ZNF610: variants seen among roughly 807,000 people sequenced by gnomAD.
The protein encoded by ZNF610 is zink finger protein.
Under a neutral mutation model 14.1 loss-of-function variants are expected in ZNF610, and 14 were observed. That is an observed-to-expected ratio of 0.99 (90% CI 0.65 to 1.55). The LOEUF (loss-of-function observed/expected upper bound fraction) is 1.55, where lower values mean the gene tolerates loss of function less well. Among genes scored for constraint, ZNF610 ranks in the 40% most tolerant of loss-of-function variants. The probability of loss-of-function intolerance (pLI) is 0.00; values close to 1 mark genes in which losing one functional copy is unlikely to be tolerated. For missense variants in ZNF610, 530 were observed against 558.0 expected, an observed-to-expected ratio of 0.95 and a Z score of 0.51; for synonymous variants, 185 against 187.6, an observed-to-expected ratio of 0.99 and a Z score of 0.11.
chr19:52,333,817 TA>T (rs1198134917), upstream of ZNF610, among the ~76,000 whole-genome samples: 20 of 152,226 alleles, frequency 1.3e-4, no homozygotes, highest in African/African-American at 4.8e-4. Context: ...TATGTAAGTG[TA>T]GTGAAAAACT....
rs1034174780 is a variant in ZNF610 at position 52,357,662 on chromosome 19, A to T, written c.319+3283A>T. ...TCCATCTCAAAAAAAAAAAAAAAAA[A>T]AAAAAAAAATTTAAAAAATTAGCCA... On this transcript the variant is annotated intron_variant, in intron 5 of 5. Transcript: ENST00000403906. Among the ~76,000 whole-genome samples the T allele has an allele frequency of 3.6e-4, 55 of 151,146 alleles. 1 individual carries two copies. The highest frequency in any genetic ancestry group is 6.6e-4 in the Non-Finnish European group (45 of 67,784).
At chr19:52,361,116 T>C (rs1449500198) in intron 5 of ZNF610, among the ~76,000 whole-genome samples, 2 of 152,180 alleles carry the variant, frequency 1.3e-5, no homozygotes, top group African/African-American at 4.8e-5. Flanking sequence ...GAGTAAGTCT[T>C]GGTGAGCAGT....
At chr19:52,353,088 G>A (rs1324717444) in intron 3 of ZNF610, among the ~76,000 whole-genome samples, 6 of 152,062 alleles carry the variant, frequency 3.9e-5, no homozygotes, top group East Asian at 3.9e-4. Context: ...ACAGGCGCCC[G>A]CCACCATGCC....
chr19:52,357,878 G>A (rs1341045294), intron 5 of ZNF610, among the ~76,000 whole-genome samples: 1 of 152,006 alleles, frequency 6.6e-6, no homozygotes, highest in African/African-American at 2.4e-5. Flanking sequence ...GGTCTGGAAG[G>A]GTCCCCAGCA....
chr19:52,339,076 C>CATT (rs1382034881), intron 1 of ZNF610, among the ~76,000 whole-genome samples: 5 of 151,984 alleles, frequency 3.3e-5, no homozygotes, highest in African/African-American at 9.7e-5. Flanking sequence ...AGGAAACGTG[C>CATT]TGTGCCTTGA....
At chr19:52,334,257 G>A (rs931797788), upstream of ZNF610, among the ~76,000 whole-genome samples, 8 of 152,188 alleles carry the variant, frequency 5.3e-5, no homozygotes, top group Non-Finnish European at 8.8e-5. Flanking sequence ...GCTCACGCCT[G>A]TAATCCCAGC....
At chr19:52,342,998 C>T (rs1169658959) in intron 1 of ZNF610, among the ~76,000 whole-genome samples, 2 of 151,938 alleles carry the variant, frequency 1.3e-5, no homozygotes, top group Non-Finnish European at 2.9e-5. Context: ...TTTCCCTCTC[C>T]ACCCACCCCT....
intron 1 of ZNF610, 131 bp from the exon 2 acceptor site, chr19:52,347,576 G>C (rs1254849371): frequency 6.6e-6 from 1 of 152,204 alleles, no homozygotes; most frequent in African/African-American, 2.4e-5. Context: ...GAATGCAGTG[G>C]TGCGATTATG....
intron 5 of ZNF610, among the ~76,000 whole-genome samples, chr19:52,363,051 G>T (rs1985855682): frequency 6.6e-6 from 1 of 151,796 alleles, no homozygotes. Context: ...GAAAGAAGAA[G>T]CTCCCCTGTA....
intron 3 of ZNF610, among the ~76,000 whole-genome samples, chr19:52,352,297 G>GGT (rs1985294424): frequency 6.6e-6 from 1 of 152,074 alleles, no homozygotes; most frequent in Non-Finnish European, 1.5e-5. Flanking sequence ...GGAGTGCAAT[G>GGT]GCGTGATCTC....
upstream of ZNF610, among the ~76,000 whole-genome samples, chr19:52,332,201 G>GAA (rs112986257): frequency 0.084 from 12,734 of 152,244 alleles, 578 homozygotes; most frequent in Middle Eastern, 0.13. This position sits in a 1 kb window ranked among gnomAD's most constrained non-coding sequence, Gnocchi z 4.1. Context: ...GTCTATTGAA[G>GAA]AAACATTATT....
intron 1 of ZNF610, among the ~76,000 whole-genome samples, chr19:52,339,372 G>A (rs1423933818): frequency 1.3e-5 from 2 of 151,390 alleles, no homozygotes; most frequent in Non-Finnish European, 2.9e-5. Context: ...CATATCTCAG[G>A]CTATCACATG....
chr19:52,353,669 G>T lies in ZNF610; in HGVS notation c.64-13G>T. 6.2e-7 allele frequency: 1 copy of T among 1,613,190 alleles called. No individual in the cohort carries two copies. The highest frequency in any genetic ancestry group is 8.5e-7 in the Non-Finnish European group (1 of 1,179,526). ...CATTTTTAGTGTTGTAAACAATGTG[G>T]TCCTCATTTTAGGGACGCTTGACAT... On this transcript the variant is annotated splice_polypyrimidine_tract_variant and intron_variant, in intron 3 of 5. Transcript: ENST00000403906.
chr19:52,356,633 T>C (rs1450676335), intron 5 of ZNF610, among the ~76,000 whole-genome samples: 1 of 152,206 alleles, frequency 6.6e-6, no homozygotes, highest in East Asian at 1.9e-4. Context: ...AATTTTTGAA[T>C]AGGAGTTTAA....
intron 3 of ZNF610, among the ~76,000 whole-genome samples, chr19:52,349,534 G>A (rs1276236019): frequency 6.6e-6 from 1 of 151,626 alleles, no homozygotes; most frequent in African/African-American, 2.4e-5. Flanking sequence ...TCAGCTCTCT[G>A]TGGACCAGGA....
At chr19:52,356,669 G>A (rs1412224852) in intron 5 of ZNF610, among the ~76,000 whole-genome samples, 6 of 152,066 alleles carry the variant, frequency 3.9e-5, no homozygotes, top group African/African-American at 7.2e-5. Flanking sequence ...TGTTGTACGT[G>A]ACTTAGTAGC....
At chr19:52,354,507 G>A (rs766540761) in intron 5 of ZNF610, 128 bp downstream of exon 5, 8 of 1,072,972 alleles carry the variant, frequency 7.5e-6, no homozygotes, top group Non-Finnish European at 9.2e-6. Flanking sequence ...CAAACTCCTG[G>A]ACTCAAGCAA....
rs902393825 is a variant in ZNF610 at position 52,366,266 on chromosome 19, T to G, written c.888T>G (p.Ala296=). ...ACAAATGTAACGAATGTGGCAAAGC[T>G]TTTAGAGAGTGTTCGGGACTTACTA... ...KPHKCNECGK[A]FRECSGLTTH... is the part of the protein sequence containing the mutation. Residue 296 remains alanine (A), a synonymous_variant, in exon 6 of 6, where the codon GCT becomes GCG. Transcript: ENST00000403906. 2.5e-6 allele frequency: 4 copies of G among 1,613,072 alleles called. No individual in the cohort carries two copies. Among genetic ancestry groups the G allele is most frequent in the Admixed American group, 1.7e-5 (1 of 59,944 alleles).
At chr19:52,333,969 T>A (rs770927503), upstream of ZNF610, among the ~76,000 whole-genome samples, 1 of 152,186 alleles carries the variant, frequency 6.6e-6, no homozygotes, top group Non-Finnish European at 1.5e-5. Context: ...ATAAACTTGG[T>A]CACATCCCAC....
Sources: allele counts gnomAD v4.1 joint callset (sites outside exome capture counted in the v4.1 genomes callset), GRCh38; gene constraint gnomAD v4.1.1; non-coding constraint Gnocchi (gnomAD v3.1); transcripts MANE v1.5; gene names NCBI Gene and HGNC (gene_info 2026-07-23, HGNC 2026-07-21).